MAGI1: variants seen among roughly 807,000 people sequenced by gnomAD.
The protein encoded by MAGI1 is membrane-associated guanylate kinase, WW and PDZ domain-containing protein 1.
A neutral mutation model predicts 139.9 loss-of-function variants in MAGI1; 58 were observed. That is an observed-to-expected ratio of 0.41 (90% CI 0.34 to 0.52). The LOEUF is 0.52. MAGI1 is among the 20% of genes least tolerant of loss of function. The pLI is 0.12. For synonymous variants in MAGI1, 812 were observed against 737.9 expected (o/e 1.10, Z -1.63); for missense variants, 1,874 against 1,901.6 (o/e 0.99, Z 0.27).
chr3:65,920,131 A>C (rs973199542), intron 1 of MAGI1, among the ~76,000 whole-genome samples: 1 of 152,208 alleles, frequency 6.6e-6, no homozygotes, highest in African/African-American at 2.4e-5. Context: ...CAAATTACCC[A>C]CAACAGTCCT....
At chr3:65,959,183 G>A (rs1463152215) in intron 1 of MAGI1, among the ~76,000 whole-genome samples, 1 of 152,038 alleles carries the variant, frequency 6.6e-6, no homozygotes, top group African/African-American at 2.4e-5. Context: ...CCCTTCCTTT[G>A]GTTAAATTCC....
At chr3:65,852,416 T>C (rs925186071) in intron 1 of MAGI1, among the ~76,000 whole-genome samples, 2 of 152,186 alleles carry the variant, frequency 1.3e-5, no homozygotes, top group Non-Finnish European at 2.9e-5. Context: ...TGTAAAACTC[T>C]ACCCAGTAGG....
At chr3:65,617,040 C>A (rs1380165311) in intron 2 of MAGI1, among the ~76,000 whole-genome samples, 12 of 152,170 alleles carry the variant, frequency 7.9e-5, no homozygotes, top group Non-Finnish European at 1.5e-5. Flanking sequence ...TGCTAAAATG[C>A]CCTTTTGAAT....
chr3:65,659,540 G>C (rs763056483), intron 1 of MAGI1, among the ~76,000 whole-genome samples: 9 of 152,122 alleles, frequency 5.9e-5, no homozygotes, highest in Non-Finnish European at 1.2e-4. Flanking sequence ...ATAGTTCAGA[G>C]AAATCTCCAC....
chr3:65,972,999 G>C (rs1015761398), intron 1 of MAGI1, among the ~76,000 whole-genome samples: 13 of 151,914 alleles, frequency 8.6e-5, no homozygotes, highest in Non-Finnish European at 1.5e-4. Context: ...TGAAAAGTAA[G>C]GCAGTCCAGG....
intron 1 of MAGI1, among the ~76,000 whole-genome samples, chr3:65,696,560 C>T (rs1341163007): frequency 6.6e-6 from 1 of 152,012 alleles, no homozygotes. Context: ...ATGATTAAGG[C>T]CATTTTCATC....
intron 18 of MAGI1, among the ~76,000 whole-genome samples, chr3:65,369,951 C>CA (rs1386893627): frequency 6.6e-6 from 1 of 152,182 alleles, no homozygotes; most frequent in Non-Finnish European, 1.5e-5. Flanking sequence ...AGACCTGAGG[C>CA]ATAGGCACCT....
intron 2 of MAGI1, among the ~76,000 whole-genome samples, chr3:65,507,790 T>C (rs796741801): frequency 1.2e-4 from 19 of 152,370 alleles, no homozygotes; most frequent in African/African-American, 4.6e-4. Context: ...GCTACAACTA[T>C]AGCTCATTTT....
intron 1 of MAGI1, among the ~76,000 whole-genome samples, chr3:65,853,011 T>C (rs1364414130): frequency 6.8e-6 from 1 of 148,038 alleles, no homozygotes; most frequent in African/African-American, 2.5e-5. Context: ...TAGCCGGGCA[T>C]GGTGGCACGT....
At chr3:65,995,511 A>G (rs535274233) in intron 1 of MAGI1, among the ~76,000 whole-genome samples, 26 of 151,698 alleles carry the variant, frequency 1.7e-4, no homozygotes, top group Admixed American at 9.2e-4. Flanking sequence ...CCATTTCCCC[A>G]TAAGGATATA....
chr3:65,452,538 T>C (rs1205749689), intron 6 of MAGI1: 2 of 151,812 alleles, frequency 1.3e-5, no homozygotes, highest in Non-Finnish European at 1.5e-5. Flanking sequence ...GAACTTGGGA[T>C]AGACGTTGGT....
intron 10 of MAGI1, among the ~76,000 whole-genome samples, chr3:65,434,142 G>A (rs1947666985): frequency 6.6e-6 from 1 of 152,144 alleles, no homozygotes; most frequent in Non-Finnish European, 1.5e-5. Flanking sequence ...CATGTATAGT[G>A]TTCAAATCTG....
intron 1 of MAGI1, among the ~76,000 whole-genome samples, chr3:65,941,032 C>A (rs2063289400): frequency 6.6e-6 from 1 of 152,150 alleles, no homozygotes; most frequent in African/African-American, 2.4e-5. Flanking sequence ...TAAATGGAAC[C>A]AAGGTACAAA....
At chr3:65,530,401 C>A (rs2078588043) in intron 2 of MAGI1, among the ~76,000 whole-genome samples, 1 of 151,838 alleles carries the variant, frequency 6.6e-6, no homozygotes, top group Non-Finnish European at 1.5e-5. Flanking sequence ...ATTGCTTGAG[C>A]CCAGGAGTTC....
At chr3:65,706,089 AT>A (rs965304231) in intron 1 of MAGI1, among the ~76,000 whole-genome samples, 6 of 151,654 alleles carry the variant, frequency 4.0e-5, no homozygotes, top group Admixed American at 2.6e-4. Context: ...TCTCCAATTA[AT>A]TTTTTTTTCT....
chr3:65,814,394 T>C (rs2041473844), intron 1 of MAGI1, among the ~76,000 whole-genome samples: 1 of 152,212 alleles, frequency 6.6e-6, no homozygotes, highest in African/African-American at 2.4e-5. Context: ...GCTTAGAATT[T>C]CACATTTACC....
chr3:65,984,651 T>C (rs889689181), intron 1 of MAGI1, among the ~76,000 whole-genome samples: 1 of 150,398 alleles, frequency 6.6e-6, no homozygotes, highest in Non-Finnish European at 1.5e-5. Context: ...CACTTCAGCC[T>C]TACTCTCGGG....
intron 22 of MAGI1, chr3:65,359,190 G>C: frequency 1.2e-6 from 2 of 1,608,152 alleles, no homozygotes; most frequent in Non-Finnish European, 1.7e-6. Context: ...AACAGTCAGA[G>C]AGAAGGAGAA....
At chr3:65,825,999 T>C (rs2042207455) in intron 1 of MAGI1, among the ~76,000 whole-genome samples, 1 of 151,988 alleles carries the variant, frequency 6.6e-6, no homozygotes, top group African/African-American at 2.4e-5. Context: ...AAAATAATAA[T>C]AATAAAATTT....
Sources: allele counts gnomAD v4.1 joint callset (sites outside exome capture counted in the v4.1 genomes callset), GRCh38; gene constraint gnomAD v4.1.1; transcripts MANE v1.5; gene names NCBI Gene and HGNC (gene_info 2026-07-23, HGNC 2026-07-21).